WWOX: variants seen among roughly 807,000 people sequenced by gnomAD.
WWOX encodes the protein WW domain containing oxidoreductase, also known as WW domain-containing oxidoreductase.
Under a neutral mutation model 46.2 loss-of-function variants are expected in WWOX, and 69 were observed. The ratio of observed to expected loss-of-function variants is 1.49; its 90% CI spans 1.23 to 1.82. The LOEUF is 1.82. Ranked by LOEUF, WWOX falls within the 40% of genes most tolerant of loss-of-function variation. WWOX has a pLI of 0.00. For synonymous variants in WWOX, 359 were observed against 202.6 expected (o/e 1.77, Z -6.56); for missense variants, 919 against 542.6 (o/e 1.69, Z -6.89).
At chr16:79,154,925 AAAG>A (rs1308146186) in intron 8 of WWOX, among the ~76,000 whole-genome samples, 1 of 152,232 alleles carries the variant, frequency 6.6e-6, no homozygotes, top group Non-Finnish European at 1.5e-5. Context: ...TGAAAGAAAG[AAAG>A]AAGAGGAAGA....
At chr16:78,858,054 C>T (rs531819829) in intron 8 of WWOX, among the ~76,000 whole-genome samples, 19 of 151,806 alleles carry the variant, frequency 1.3e-4, no homozygotes, top group Admixed American at 3.3e-4. Flanking sequence ...ATTTGAGTTA[C>T]AGTTTTTCCA....
chr16:78,913,540 G>C (rs551102420), intron 8 of WWOX, among the ~76,000 whole-genome samples: 1 of 152,010 alleles, frequency 6.6e-6, no homozygotes, highest in Non-Finnish European at 1.5e-5. Flanking sequence ...TCACCACCCA[G>C]AGCAAAGTCA....
chr16:79,051,633 T>A (rs557734471), intron 8 of WWOX, among the ~76,000 whole-genome samples: 14 of 152,180 alleles, frequency 9.2e-5, no homozygotes, highest in African/African-American at 3.4e-4. Flanking sequence ...TCAAATTTCT[T>A]TAGTGTTATC....
intron 4 of WWOX, among the ~76,000 whole-genome samples, chr16:78,137,159 G>T (rs766837925): frequency 6.6e-6 from 1 of 152,224 alleles, no homozygotes; most frequent in Admixed American, 6.5e-5. Context: ...ATCTGAAATG[G>T]AGAAGATGCC....
At chr16:78,709,219 G>T (rs1397547539) in intron 8 of WWOX, among the ~76,000 whole-genome samples, 2 of 152,194 alleles carry the variant, frequency 1.3e-5, no homozygotes, top group African/African-American at 4.8e-5. Flanking sequence ...AAAGCCCCCA[G>T]CCCTCCTGTT....
At chr16:78,416,466 C>A (rs2082799625) in intron 6 of WWOX, among the ~76,000 whole-genome samples, 1 of 152,116 alleles carries the variant, frequency 6.6e-6, no homozygotes, top group South Asian at 2.1e-4. Context: ...ACATATTTTG[C>A]CTCTGGAGTT....
intron 8 of WWOX, among the ~76,000 whole-genome samples, chr16:78,841,553 A>G (rs970866918): frequency 5.9e-5 from 9 of 152,244 alleles, no homozygotes; most frequent in Admixed American, 3.9e-4. Context: ...TGGTTTACCA[A>G]TATGATGTCT....
At chr16:78,532,155 C>G (rs932663668) in intron 8 of WWOX, among the ~76,000 whole-genome samples, 1 of 151,162 alleles carries the variant, frequency 6.6e-6, no homozygotes, top group Non-Finnish European at 1.5e-5. Flanking sequence ...TAGAGACATT[C>G]AGCAGTCTGC....
At position 78,563,490 on chromosome 16, in the gene WWOX, A is replaced by AACACACACACACAC. The variant is rs61298369; in HGVS notation, c.1056+130751_1056+130764dup. Reference sequence around the variant, plus strand: ...CAGGATACGGGCACTCGTGTGGGTGAACACACACACACACACACACACACA... The same window carrying AACACACACACACAC: ...CAGGATACGGGCACTCGTGTGGGTGAACACACACACACACACACACACACACACACACACACACA... On this transcript the variant is annotated intron_variant, in intron 8 of 8. Transcript: ENST00000566780. Among the ~76,000 whole-genome samples, 16 of 137,870 alleles carry AACACACACACACAC rather than the reference A, an allele frequency of 1.2e-4. No individual in the cohort carries two copies. In the East Asian group the frequency reaches 3.1e-3, roughly 27 times the overall value. 90.4% of individuals were successfully genotyped at this position (137,870 alleles called of 152,430 possible).
intron 5 of WWOX, among the ~76,000 whole-genome samples, chr16:78,182,537 C>G (rs1202007558): frequency 6.6e-6 from 1 of 152,022 alleles, no homozygotes; most frequent in African/African-American, 2.4e-5. Flanking sequence ...ACAAAGCTTT[C>G]CTGGGCTTCT....
chr16:78,167,092 A>T (rs2034999323), intron 5 of WWOX: 1 of 152,270 alleles, frequency 6.6e-6, no homozygotes, highest in South Asian at 2.1e-4. Context: ...GTCTTGGAAG[A>T]TAATGCTGTA....
At chr16:78,851,099 T>C (rs2052432419) in intron 8 of WWOX, among the ~76,000 whole-genome samples, 1 of 152,164 alleles carries the variant, frequency 6.6e-6, no homozygotes, top group Non-Finnish European at 1.5e-5. Context: ...TTCCAGAAGC[T>C]TGCCTGTGGT....
intron 8 of WWOX, among the ~76,000 whole-genome samples, chr16:78,480,875 A>C (rs541564677): frequency 6.6e-6 from 1 of 152,370 alleles, no homozygotes; most frequent in African/African-American, 2.4e-5. Flanking sequence ...AACTAAAGCA[A>C]CCGTCACAGA....
chr16:78,691,482 G>A (rs1473568485), intron 8 of WWOX, among the ~76,000 whole-genome samples: 3 of 152,120 alleles, frequency 2.0e-5, no homozygotes, highest in African/African-American at 7.2e-5. Flanking sequence ...TGAAGTGGGA[G>A]GATGGTTAGA....
In WWOX at chr16:78,358,500, A is replaced by G. The variant is rs149280262; in HGVS notation, c.517-28360A>G. 4.8e-3 allele frequency among the ~76,000 whole-genome samples: 727 copies of G among 152,258 alleles called. 7 individuals carry two copies. Among genetic ancestry groups the G allele is most frequent in the African/African-American group, 0.017 (692 of 41,546 alleles). On this transcript the variant is annotated intron_variant, in intron 5 of 8. Transcript: ENST00000566780. ...TGGTGAAACCCTGTCTCTACTAAAA[A>G]TACAAAAATTAGCTGGGTGTGGTGG...
At position 78,432,631 on chromosome 16, in the gene WWOX, C is replaced by G. The variant is rs79399971; in HGVS notation, c.935C>G (p.Ser312Cys). Residue 312 changes from serine (S) to cysteine (C), a missense_variant, in exon 8 of 9, where the codon TCC becomes TGC. Ser to Cys is a moderately radical substitution (Grantham distance 112). Transcript: ENST00000566780. ...LFSNELHRRL[S>C]PRGVTSNAVH... The stretch of plus-strand genomic sequence containing the variant: ...TCCAACGAGCTGCACCGTCGCCTCT[C>G]CCCACGCGGGGTCACGTCGAACGCA... 6.2e-7 allele frequency: 1 copy of G among 1,614,218 alleles called. No homozygotes were observed. Among genetic ancestry groups the G allele is most frequent in the Non-Finnish European group, 8.5e-7 (1 of 1,180,054 alleles).
At chr16:78,731,084 C>T (rs1161278946) in intron 8 of WWOX, among the ~76,000 whole-genome samples, 1 of 152,136 alleles carries the variant, frequency 6.6e-6, no homozygotes, top group Non-Finnish European at 1.5e-5. Flanking sequence ...TATTTGATGT[C>T]ATGGGTGGGA....
At chr16:78,193,391 A>T (rs1173249462) in intron 5 of WWOX, among the ~76,000 whole-genome samples, 2 of 152,256 alleles carry the variant, frequency 1.3e-5, no homozygotes. Flanking sequence ...CCACGAACAT[A>T]CATGTTGAAA....
intron 8 of WWOX, among the ~76,000 whole-genome samples, chr16:78,822,430 G>T (rs544345323): frequency 2.6e-5 from 4 of 152,272 alleles, no homozygotes; most frequent in Admixed American, 2.0e-4. Context: ...GGAGGCAGGG[G>T]TTGCAGTCAG....
Sources: allele counts gnomAD v4.1 joint callset (sites outside exome capture counted in the v4.1 genomes callset), GRCh38; gene constraint gnomAD v4.1.1; transcripts MANE v1.5; gene names NCBI Gene and HGNC (gene_info 2026-07-23, HGNC 2026-07-21).